The following NBEA variants were observed in gnomAD, a reference collection of about 807,000 sequenced individuals.
NBEA encodes the protein neurobeachin, also known as lysosomal-trafficking regulator 2.
In NBEA, 44 loss-of-function variants were observed where a neutral mutation model predicts 343.4. The observed-to-expected ratio is 0.13, with a 90% CI of 0.10 to 0.16. The LOEUF (loss-of-function observed/expected upper bound fraction) is 0.16. NBEA is among the 10% of genes least tolerant of loss of function. NBEA has a pLI of 1.00. For missense variants in NBEA, 2,555 were observed against 3,631.3 expected (o/e 0.70, Z 7.62); for synonymous variants, 1,175 against 1,238.7 (o/e 0.95, Z 1.08).
At chr13:35,564,898 T>C (rs2080059634) in intron 44 of NBEA, among the ~76,000 whole-genome samples, 1 of 152,246 alleles carries the variant, frequency 6.6e-6, no homozygotes, top group South Asian at 2.1e-4. Flanking sequence ...TTTTATTCCA[T>C]TTTTATCACA....
At chr13:35,605,945 A>G (rs2082266145) in intron 47 of NBEA, among the ~76,000 whole-genome samples, 1 of 152,194 alleles carries the variant, frequency 6.6e-6, no homozygotes, top group African/African-American at 2.4e-5. Context: ...ATCTCTTTAT[A>G]AAAATCACAT....
intron 46 of NBEA, among the ~76,000 whole-genome samples, chr13:35,584,854 CT>C (rs2081223492): frequency 6.6e-6 from 1 of 151,662 alleles, no homozygotes; most frequent in Non-Finnish European, 1.5e-5. Flanking sequence ...TGGTCTCTCA[CT>C]TTTGTTCTCC....
chr13:35,366,341 C>A (rs1167721462), intron 38 of NBEA, among the ~76,000 whole-genome samples: 1 of 151,188 alleles, frequency 6.6e-6, no homozygotes, highest in African/African-American at 2.4e-5. Flanking sequence ...ATAACACTTA[C>A]TAGAACATAA....
intron 41 of NBEA, among the ~76,000 whole-genome samples, chr13:35,512,366 G>A (rs928893042): frequency 6.6e-6 from 1 of 152,116 alleles, no homozygotes; most frequent in Non-Finnish European, 1.5e-5. Context: ...CCCCTGTTCT[G>A]GTTAAAATCT....
At chr13:34,964,680 A>C (rs1385421704) in intron 1 of NBEA, among the ~76,000 whole-genome samples, 1 of 152,008 alleles carries the variant, frequency 6.6e-6, no homozygotes, top group Non-Finnish European at 1.5e-5. Context: ...GAGAATCTGC[A>C]GATACCTATT....
At chr13:35,181,242 G>C (rs1566419820) in intron 28 of NBEA, among the ~76,000 whole-genome samples, 1 of 151,750 alleles carries the variant, frequency 6.6e-6, no homozygotes, top group Non-Finnish European at 1.5e-5. Flanking sequence ...TAAGGAATCT[G>C]CACACTGTTT....
chr13:35,423,289 C>A (rs1472952497), intron 38 of NBEA, among the ~76,000 whole-genome samples: 1 of 152,132 alleles, frequency 6.6e-6, no homozygotes, highest in Non-Finnish European at 1.5e-5. Context: ...TTAGGTCTAA[C>A]ATTTAAGTCT....
At chr13:35,049,483 T>C (rs1593585230) in intron 5 of NBEA, among the ~76,000 whole-genome samples, 1 of 151,936 alleles carries the variant, frequency 6.6e-6, no homozygotes, top group East Asian at 1.9e-4. Flanking sequence ...GCTCTTTGTA[T>C]AATGGCTGGG....
At chr13:35,412,603 T>C (rs191473582) in intron 38 of NBEA, among the ~76,000 whole-genome samples, 10 of 152,280 alleles carry the variant, frequency 6.6e-5, no homozygotes, top group Non-Finnish European at 1.5e-4. Flanking sequence ...GCTCATAGAT[T>C]TGTACAGTAA....
chr13:35,320,227 CT>C (rs746528394), intron 36 of NBEA, among the ~76,000 whole-genome samples: 1 of 152,166 alleles, frequency 6.6e-6, no homozygotes, highest in Non-Finnish European at 1.5e-5. Context: ...TTTGCAGTGG[CT>C]GGTACCAGTT....
At chr13:35,221,374 C>G (rs2074362544) in intron 33 of NBEA, among the ~76,000 whole-genome samples, 1 of 151,318 alleles carries the variant, frequency 6.6e-6, no homozygotes, top group Non-Finnish European at 1.5e-5. Flanking sequence ...AAAAAACTTC[C>G]AATTGTCTAT....
rs565191532 is a variant in NBEA at position 35,574,986 on chromosome 13, C to T, written c.7035+7969C>T. The stretch of plus-strand genomic sequence containing the variant: ...GCTGCTCTCAAACTCCTGATCCACC[C>T]GCCTCGGCCTCTCAAAGTGTGGGGA... On this transcript the variant is annotated intron_variant, in intron 45 of 58. Transcript: ENST00000379939. Among the ~76,000 whole-genome samples the T allele has an allele frequency of 1.2e-3, 190 of 152,092 alleles. 1 individual carries two copies. Among genetic ancestry groups the T allele is most frequent in the African/African-American group, 3.2e-3 (134 of 41,512 alleles).
chr13:35,366,826 T>C (rs1452927084), intron 38 of NBEA, among the ~76,000 whole-genome samples: 1 of 151,138 alleles, frequency 6.6e-6, no homozygotes, highest in Non-Finnish European at 1.5e-5. Flanking sequence ...TATTCCAGAG[T>C]CCATGTCCAC....
intron 34 of NBEA, among the ~76,000 whole-genome samples, chr13:35,258,385 C>T (rs780909486): frequency 2.6e-4 from 40 of 152,008 alleles, no homozygotes; most frequent in Non-Finnish European, 4.9e-4. Context: ...AGGCTGGTCT[C>T]GATCTCCTGA....
At chr13:34,972,516 G>T (rs1246864381) in intron 1 of NBEA, among the ~76,000 whole-genome samples, 1 of 152,054 alleles carries the variant, frequency 6.6e-6, no homozygotes, top group Non-Finnish European at 1.5e-5. Context: ...CAGAGATTCT[G>T]GTACCTTGTA....
At chr13:35,302,680 C>A (rs1334256547) in intron 35 of NBEA, among the ~76,000 whole-genome samples, 2 of 152,208 alleles carry the variant, frequency 1.3e-5, no homozygotes, top group Admixed American at 6.5e-5. Context: ...AAAATTTAAA[C>A]ATTTTTATAC....
chr13:35,389,970 AGTGTGTGTGTGTGT>A (rs10523765), intron 38 of NBEA, among the ~76,000 whole-genome samples: 2 of 137,962 alleles, frequency 1.4e-5, no homozygotes, highest in Non-Finnish European at 3.1e-5. Flanking sequence ...TCTTTTGTAG[AGTGTGTGTGTGTGT>A]GTGTGTGTGT....
chr13:35,530,741 C>T (rs35569759), intron 41 of NBEA, among the ~76,000 whole-genome samples: 34,458 of 152,038 alleles, frequency 0.23, 4,366 homozygotes, highest in East Asian at 0.49. Flanking sequence ...CCATGGTGAT[C>T]TGCACAATGG....
chr13:35,191,711 A>G (rs1012349073), intron 30 of NBEA, among the ~76,000 whole-genome samples: 3 of 152,012 alleles, frequency 2.0e-5, no homozygotes, highest in African/African-American at 7.2e-5. Flanking sequence ...GTTTGCTTAT[A>G]TTATTATTTG....
Sources: gnomAD v4.1 joint callset for allele counts (sites outside exome capture counted in the v4.1 genomes callset) on GRCh38, gnomAD v4.1.1 for gene constraint, MANE v1.5 for transcripts, NCBI Gene and HGNC (gene_info 2026-07-23, HGNC 2026-07-21) for gene names.